YY1AP1: variants seen among roughly 807,000 people sequenced by gnomAD.
The protein encoded by YY1AP1 is YY1 associated protein 1.
YY1AP1 carries 43 observed loss-of-function variants against 39.9 expected under a neutral mutation model. That is an observed-to-expected ratio of 1.08 (90% confidence interval 0.84 to 1.39). The LOEUF (loss-of-function observed/expected upper bound fraction) is 1.39, where lower values mean the gene tolerates loss of function less well. Among genes scored for constraint, YY1AP1 ranks in the 40% most tolerant of loss-of-function variants. The pLI is 0.00. For synonymous variants in YY1AP1, 292 were observed against 331.3 expected, an observed-to-expected ratio of 0.88 and a Z score of 1.29; for missense variants, 813 against 900.7, an observed-to-expected ratio of 0.90 and a Z score of 1.25.
At chr1:155,682,253 ATTCAT>A (rs942154260) in intron 2 of YY1AP1, among the ~76,000 whole-genome samples, 1 of 151,752 alleles carries the variant, frequency 6.6e-6, no homozygotes, top group Non-Finnish European at 1.5e-5. Context: ...TTTAATTTTT[ATTCAT>A]TTGTTTTACC....
intron 2 of YY1AP1, among the ~76,000 whole-genome samples, chr1:155,681,804 G>A (rs1301553333): frequency 6.6e-6 from 1 of 150,762 alleles, no homozygotes; most frequent in Non-Finnish European, 1.5e-5. Context: ...TCAACTGGAT[G>A]TAACACGTAA....
chr1:155,664,890 C>T (rs905526930), intron 9 of YY1AP1, among the ~76,000 whole-genome samples: 2 of 151,428 alleles, frequency 1.3e-5, no homozygotes, highest in African/African-American at 4.8e-5. Flanking sequence ...CTGCCTCAGC[C>T]TCCAGAGTAC....
intron 5 of YY1AP1, among the ~76,000 whole-genome samples, chr1:155,675,422 G>C (rs2149053909): frequency 6.6e-6 from 1 of 152,076 alleles, no homozygotes; most frequent in Admixed American, 6.6e-5. Context: ...CTGCCTCCCA[G>C]GTTCAAGTGA....
rs1407338953 is a variant in YY1AP1 at position 155,661,532 on chromosome 1, C to CACACAT, written c.880-110_880-109insATGTGT. 6 of 1,579,338 alleles carry CACACAT rather than the reference C, an allele frequency of 3.8e-6. No homozygotes were observed. The African/African-American group carries it at 8.3e-5, about 22-fold the overall frequency. ...ATCAAGAGAAACACACACACACACA[C>CACACAT]ACACACACACACACACACAAGACCA... is the stretch of plus-strand genomic sequence containing the variant. On this transcript the variant is annotated intron_variant, in intron 9 of 10. Transcript: ENST00000355499.
chr1:155,675,196 T>C, intron 5 of YY1AP1, 100 bp from the exon 6 acceptor site: 1 of 1,103,978 alleles, frequency 9.1e-7, no homozygotes, highest in Non-Finnish European at 1.3e-6. Flanking sequence ...GGTCTTGCTC[T>C]GTCACACAGC....
intron 5 of YY1AP1, 98 bp downstream of exon 5, chr1:155,676,448 ATC>A: frequency 7.2e-7 from 1 of 1,393,692 alleles, no homozygotes; most frequent in Non-Finnish European, 1.0e-6. Flanking sequence ...TAAGGTAACT[ATC>A]TCTGACATTT....
rs751081171 is a variant in YY1AP1 at position 155,661,431 on chromosome 1, T to G, written c.880-8A>C. 3 of 1,613,342 alleles carry G rather than the reference T, an allele frequency of 1.9e-6. No homozygotes were observed. The South Asian group carries it at 3.3e-5, about 18-fold the overall frequency. Reference sequence around the variant, plus strand: ...TTTGGTCTTCTTATAAAACTTAACATGAAAAAAATGCGCATGAATTACATT... The same window carrying G: ...TTTGGTCTTCTTATAAAACTTAACAGGAAAAAAATGCGCATGAATTACATT... On this transcript the variant is annotated splice_polypyrimidine_tract_variant and splice_region_variant and intron_variant, in intron 9 of 10. Coordinates refer to ENST00000355499, the MANE Select transcript of YY1AP1 (RefSeq NM_139119.3).
intron 2 of YY1AP1, 88 bp from the exon 3 acceptor site, chr1:155,680,544 A>G (rs1378652113): frequency 1.7e-6 from 2 of 1,184,742 alleles, no homozygotes; most frequent in East Asian, 4.8e-5. Flanking sequence ...GATGTTTTCA[A>G]CAAGGCATCT....
intron 9 of YY1AP1, among the ~76,000 whole-genome samples, chr1:155,664,474 C>T (rs1648647454): frequency 6.6e-6 from 1 of 152,070 alleles, no homozygotes; most frequent in Non-Finnish European, 1.5e-5. Flanking sequence ...GTGGCTCATG[C>T]CTGTAATCCC....
chr1:155,688,642 C>T lies in YY1AP1; in HGVS notation c.-152+17G>A. The T allele has an allele frequency of 6.5e-7, 1 of 1,534,478 alleles. No individual in the cohort carries two copies. The highest frequency in any genetic ancestry group is 1.2e-5 in the South Asian group (1 of 83,258). The stretch of plus-strand genomic sequence containing the variant: ...AGACCCTGTCAAGCCGGCTCCAGCG[C>T]AGGCCCTCACGCGTACCTTCAGCGG... On this transcript the variant is annotated intron_variant, in intron 1 of 10. Transcript: ENST00000355499.
At chr1:155,677,013 A>G (rs1312890740) in intron 4 of YY1AP1, among the ~76,000 whole-genome samples, 2 of 152,168 alleles carry the variant, frequency 1.3e-5, no homozygotes, top group African/African-American at 4.8e-5. Context: ...AAATTAAACA[A>G]AAAACTAGGG....
At position 155,672,603 on chromosome 1, in the gene YY1AP1, A is replaced by G. The variant is rs1650030854; in HGVS notation, c.540T>C (p.His180=). The change falls in exon 7 of 11, where the codon CAT becomes CAC. Residue 180 remains histidine, a synonymous_variant. Transcript: ENST00000355499. ...AMQLIEDFST[H]VSIDCSPHKT... ...TATGAGGGCTGCAGTCAATGCTGAC[A>G]TGTGTGCTGAAGTCTTCAATCAGCT... 1 of 1,613,280 alleles carries G rather than the reference A, an allele frequency of 6.2e-7. No individual in the cohort carries two copies. Among genetic ancestry groups the G allele is most frequent in the Admixed American group, 1.7e-5 (1 of 59,964 alleles).
At chr1:155,666,534 T>A (rs1649037439) in intron 9 of YY1AP1, among the ~76,000 whole-genome samples, 1 of 151,740 alleles carries the variant, frequency 6.6e-6, no homozygotes, top group African/African-American at 2.4e-5. Context: ...GTGGTGGGAG[T>A]AAGGGAGTGA....
At chr1:155,688,330 G>A (rs1403399011) in intron 1 of YY1AP1, 129 bp from the exon 2 acceptor site, 2 of 1,551,588 alleles carry the variant, frequency 1.3e-6, no homozygotes, top group East Asian at 2.4e-5. Flanking sequence ...GGCGGCGGCA[G>A]CGGCGGCAGC....
intron 6 of YY1AP1, among the ~76,000 whole-genome samples, chr1:155,673,542 G>C (rs908359824): frequency 2.0e-5 from 3 of 151,946 alleles, no homozygotes; most frequent in Non-Finnish European, 4.4e-5. Context: ...TTTTTATGAG[G>C]TAAAGTATGG....
intron 2 of YY1AP1, among the ~76,000 whole-genome samples, chr1:155,680,767 A>G (rs1022378637): frequency 1.3e-5 from 2 of 152,116 alleles, no homozygotes; most frequent in African/African-American, 2.4e-5. Flanking sequence ...GGTTTTCCCC[A>G]TGTTGCCCAA....
At chr1:155,688,930 C>T, upstream of YY1AP1, 1 of 1,613,134 alleles carries the variant, frequency 6.2e-7, no homozygotes, top group Non-Finnish European at 8.5e-7. Flanking sequence ...GACAACCTAC[C>T]TCCCTGGGTT....
intron 3 of YY1AP1, 84 bp from the exon 4 acceptor site, chr1:155,679,596 A>C (rs1651238791): frequency 6.2e-7 from 1 of 1,606,680 alleles, no homozygotes; most frequent in East Asian, 2.2e-5. Context: ...AGTGAAAACT[A>C]TAAACAATAC....
intron 7 of YY1AP1, 90 bp downstream of exon 7, chr1:155,672,470 G>C (rs1382743854): frequency 1.3e-6 from 2 of 1,571,412 alleles, no homozygotes; most frequent in Admixed American, 3.4e-5. Context: ...CCATTCCTAG[G>C]CAAGTATCCT....
Sources: gnomAD v4.1 joint callset for allele counts (sites outside exome capture counted in the v4.1 genomes callset) on GRCh38, gnomAD v4.1.1 for gene constraint, MANE v1.5 for transcripts, NCBI Gene and HGNC (gene_info 2026-07-23, HGNC 2026-07-21) for gene names.